DIAPH2: variants seen among roughly 807,000 people sequenced by gnomAD.
The protein encoded by DIAPH2 is diaphanous related formin 2, also known as protein diaphanous homolog 2.
In DIAPH2, 35 loss-of-function variants were observed where a neutral mutation model predicts 92.7. The observed-to-expected ratio is 0.38, with a 90% CI of 0.29 to 0.50. The LOEUF (loss-of-function observed/expected upper bound fraction) is 0.50. DIAPH2 is among the 20% of genes least tolerant of loss of function. The pLI is 0.94. For missense variants in DIAPH2, 701 were observed against 819.5 expected, an observed-to-expected ratio of 0.86 and a Z score of 1.77; for synonymous variants, 301 against 280.4, an observed-to-expected ratio of 1.07 and a Z score of -0.73.
chrX:96,929,668 C>T (rs1180419822), intron 9 of DIAPH2, among the ~76,000 whole-genome samples: 2 of 110,911 alleles, frequency 1.8e-5, no homozygotes, highest in African/African-American at 3.3e-5. Context: ...ATTTGTCTTT[C>T]GGTAATATAT....
At chrX:97,040,280 G>A (rs749021074) in intron 17 of DIAPH2, among the ~76,000 whole-genome samples, 14 of 108,177 alleles carry the variant, frequency 1.3e-4, no homozygotes, top group Non-Finnish European at 2.7e-4. Flanking sequence ...GCCACCTAAC[G>A]TCTAGATCTC....
At chrX:97,568,681 G>A (rs1358233044) in intron 26 of DIAPH2, among the ~76,000 whole-genome samples, 1 of 111,811 alleles carries the variant, frequency 8.9e-6, no homozygotes, top group African/African-American at 3.3e-5. Flanking sequence ...CATCTGGGAG[G>A]AGAAAGGAAA....
chrX:96,849,362 C>T lies in DIAPH2; in HGVS notation c.448-32217C>T, dbSNP rs755076627. Among the ~76,000 whole-genome samples, 167 of 111,160 alleles carry T rather than the reference C, an allele frequency of 1.5e-3. 2 individuals carry two copies. In the Admixed American group the frequency reaches 0.016, roughly 10 times the overall value. On this transcript the variant is annotated intron_variant, in intron 4 of 26. Transcript: ENST00000324765. ...TATATTTTTAGTAGAGATGGGGTTT[C>T]GCCACGTTGACCAGGCTGATCTTGA... is the stretch of plus-strand genomic sequence containing the variant.
At chrX:96,790,073 GT>G (rs1369966539) in intron 4 of DIAPH2, among the ~76,000 whole-genome samples, 114 of 99,632 alleles carry the variant, frequency 1.1e-3, no homozygotes, top group Admixed American at 2.0e-3. Context: ...TTTGTTTTTT[GT>G]TTTTTTTTTT....
chrX:97,523,480 A>G (rs1009890297), intron 26 of DIAPH2, among the ~76,000 whole-genome samples: 6 of 111,982 alleles, frequency 5.4e-5, no homozygotes, highest in Admixed American at 9.5e-5. Context: ...TGGAATTCCA[A>G]TCAGCCAAAG....
At chrX:97,042,743 G>A (rs1230659026) in intron 17 of DIAPH2, among the ~76,000 whole-genome samples, 1 of 111,864 alleles carries the variant, frequency 8.9e-6, no homozygotes, top group African/African-American at 3.2e-5. Flanking sequence ...TATTTTGTTT[G>A]CTACTTAAAT....
intron 25 of DIAPH2, among the ~76,000 whole-genome samples, chrX:97,410,066 C>T (rs1238189534): frequency 8.9e-6 from 1 of 112,272 alleles, no homozygotes; most frequent in Non-Finnish European, 1.9e-5. Flanking sequence ...ACTGCCTCCT[C>T]AAGTGGGTCC....
intron 25 of DIAPH2, 46 bp from the exon 26 acceptor site, chrX:97,429,604 A>G: frequency 8.4e-7 from 1 of 1,186,625 alleles, no homozygotes; most frequent in South Asian, 1.9e-5. Context: ...CCTGTAGTTT[A>G]ACTTTAATTG....
chrX:97,454,018 C>G (rs2070380962), intron 26 of DIAPH2: 2 of 111,603 alleles, frequency 1.8e-5, no homozygotes, highest in South Asian at 7.5e-4. Context: ...TGGCAGTAAA[C>G]CTGAAAGTAA....
chrX:97,459,426 G>T (rs1026731032), intron 26 of DIAPH2, among the ~76,000 whole-genome samples: 1 of 112,130 alleles, frequency 8.9e-6, no homozygotes, highest in Non-Finnish European at 1.9e-5. Flanking sequence ...GATTTTCCTC[G>T]TGGGTGTTTT....
chrX:96,907,451 T>C (rs988613261), intron 5 of DIAPH2, among the ~76,000 whole-genome samples: 1 of 112,413 alleles, frequency 8.9e-6, no homozygotes, highest in Admixed American at 9.4e-5. Flanking sequence ...CTAGATGTTA[T>C]AGAAAATTGT....
At chrX:96,973,308 G>T (rs1360209878) in intron 17 of DIAPH2, among the ~76,000 whole-genome samples, 1 of 111,544 alleles carries the variant, frequency 9.0e-6, no homozygotes, top group Non-Finnish European at 1.9e-5. Context: ...GACCAGCCTG[G>T]GCAACATAGT....
intron 26 of DIAPH2, among the ~76,000 whole-genome samples, chrX:97,434,874 C>A (rs1243820345): frequency 3.6e-5 from 4 of 111,550 alleles, no homozygotes; most frequent in Non-Finnish European, 7.5e-5. Context: ...AAAATGAATT[C>A]TTGAGTGTTC....
chrX:96,836,002 A>T (rs141963559), intron 4 of DIAPH2, among the ~76,000 whole-genome samples: 37 of 110,706 alleles, frequency 3.3e-4, no homozygotes, highest in Middle Eastern at 4.6e-3. Flanking sequence ...TTTAGTAGAG[A>T]CAGGGTTTCC....
chrX:97,279,504 A>G (rs1323883668), intron 23 of DIAPH2, among the ~76,000 whole-genome samples: 3 of 109,558 alleles, frequency 2.7e-5, no homozygotes, highest in African/African-American at 1.0e-4. Flanking sequence ...GGATTTCACC[A>G]TGTTGGCCAG....
At chrX:97,434,271 GGAGTAT>G (rs1233522632) in intron 26 of DIAPH2, among the ~76,000 whole-genome samples, 1 of 111,212 alleles carries the variant, frequency 9.0e-6, no homozygotes, top group Admixed American at 9.6e-5. Flanking sequence ...AATATTTAAA[GGAGTAT>G]AAGTAATCAA....
intron 5 of DIAPH2, among the ~76,000 whole-genome samples, chrX:96,887,195 C>T (rs115626732): frequency 0.023 from 2,601 of 111,789 alleles, 72 homozygotes; most frequent in African/African-American, 0.08. Context: ...GGAAATAAAA[C>T]ACTTTTAGGC....
intron 3 of DIAPH2, among the ~76,000 whole-genome samples, chrX:96,753,482 C>T (rs1330349384): frequency 9.0e-6 from 1 of 111,661 alleles, no homozygotes; most frequent in East Asian, 2.8e-4. Context: ...ACCCATGTTA[C>T]ATGAAGATAA....
chrX:96,922,789 T>C (rs2065554871), intron 9 of DIAPH2, among the ~76,000 whole-genome samples: 1 of 112,041 alleles, frequency 8.9e-6, no homozygotes, highest in Non-Finnish European at 1.9e-5. Context: ...ACACTTTGCC[T>C]GAAATACCTG....
Sources: allele counts gnomAD v4.1 joint callset (sites outside exome capture counted in the v4.1 genomes callset), GRCh38; gene constraint gnomAD v4.1.1; transcripts MANE v1.5; gene names NCBI Gene and HGNC (gene_info 2026-07-23, HGNC 2026-07-21).